The following KCNMA1 variants were observed in gnomAD, a reference collection of about 807,000 sequenced individuals.
KCNMA1 encodes Calcium-activated potassium channel subunit alpha-1.
A neutral mutation model predicts 140.0 loss-of-function variants in KCNMA1; 29 were observed. That is an observed-to-expected ratio of 0.21 (90% CI 0.15 to 0.28). The LOEUF (loss-of-function observed/expected upper bound fraction) is 0.28, where lower values mean the gene tolerates loss of function less well. Ranked by LOEUF, KCNMA1 falls within the 10% of genes least tolerant of loss-of-function variation. The pLI, the probability that KCNMA1 is intolerant of heterozygous loss-of-function variation, is 1.00. For synonymous variants in KCNMA1, 612 were observed against 611.9 expected, an observed-to-expected ratio of 1.00 and a Z score of 0.00; for missense variants, 880 against 1,602.2, an observed-to-expected ratio of 0.55 and a Z score of 7.70.
At chr10:77,291,847 C>T (rs1376045850) in intron 2 of KCNMA1, among the ~76,000 whole-genome samples, 1 of 152,062 alleles carries the variant, frequency 6.6e-6, no homozygotes, top group African/African-American at 2.4e-5. Context: ...CCTTACAGAC[C>T]AGTGGAGGCT....
At chr10:77,482,115 G>C (rs751458378) in intron 1 of KCNMA1, among the ~76,000 whole-genome samples, 1 of 152,230 alleles carries the variant, frequency 6.6e-6, no homozygotes, top group Admixed American at 6.5e-5. Flanking sequence ...TCATTATTCA[G>C]GCAGATTAAA....
rs922434681 is a variant in KCNMA1 at position 77,082,123 on chromosome 10, G to C, written c.1523+2514C>G. On this transcript the variant is annotated intron_variant, in intron 12 of 27. Coordinates refer to ENST00000286628, the MANE Select transcript of KCNMA1 (RefSeq NM_001161352.2). ...GGCTCACTGCAACCTCCGCCTCCTGGGTTCAAGCGATTCCCCTGCCTCAAC... is the reference window on the plus strand; with the variant it reads ...GGCTCACTGCAACCTCCGCCTCCTGCGTTCAAGCGATTCCCCTGCCTCAAC... Among the ~76,000 whole-genome samples the C allele has an allele frequency of 2.1e-5, 3 of 145,416 alleles. No individual in the cohort carries two copies. The Admixed American group carries it at 2.2e-4, about 10-fold the overall frequency.
intron 1 of KCNMA1, among the ~76,000 whole-genome samples, chr10:77,478,765 T>C (rs1017577615): frequency 2.0e-5 from 3 of 152,228 alleles, no homozygotes; most frequent in African/African-American, 7.2e-5. Context: ...AATGAGGTAA[T>C]GTACATAACC....
chr10:76,955,352 G>A lies in KCNMA1; in HGVS notation c.2361-1428C>T, dbSNP rs576371750. Among the ~76,000 whole-genome samples, 4 of 152,008 alleles carry A rather than the reference G, an allele frequency of 2.6e-5. No individual in the cohort carries two copies. In the South Asian group the frequency reaches 6.3e-4, roughly 24 times the overall value. On this transcript the variant is annotated intron_variant, in intron 20 of 27. Coordinates refer to ENST00000286628, the MANE Select transcript of KCNMA1 (RefSeq NM_001161352.2). The stretch of plus-strand genomic sequence containing the variant: ...TCTCTTCCATGGCCCAAAAACCTAG[G>A]ATTAAGCTTTTGAATAACTACCACG...
chr10:77,351,991 G>T (rs897815982), intron 2 of KCNMA1, among the ~76,000 whole-genome samples: 10 of 152,148 alleles, frequency 6.6e-5, no homozygotes, highest in African/African-American at 2.4e-4. Context: ...TATTTATGAG[G>T]GTTTGACCAG....
intron 1 of KCNMA1, among the ~76,000 whole-genome samples, chr10:77,602,571 C>T (rs1466381190): frequency 6.6e-6 from 1 of 152,120 alleles, no homozygotes; most frequent in Non-Finnish European, 1.5e-5. Context: ...CAATAAAGCT[C>T]GGTTTTTAAA....
At chr10:77,454,489 C>T (rs998364669) in intron 1 of KCNMA1, among the ~76,000 whole-genome samples, 1 of 152,174 alleles carries the variant, frequency 6.6e-6, no homozygotes, top group African/African-American at 2.4e-5. Flanking sequence ...TAATTCTCTG[C>T]CTATAATTTT....
chr10:77,155,854 G>A (rs2098477228), intron 5 of KCNMA1, among the ~76,000 whole-genome samples: 1 of 152,130 alleles, frequency 6.6e-6, no homozygotes, highest in Non-Finnish European at 1.5e-5. Flanking sequence ...TAAGAAGTGA[G>A]GGGAAAGGAT....
At chr10:77,531,523 C>T (rs1328334369) in intron 1 of KCNMA1, among the ~76,000 whole-genome samples, 2 of 152,282 alleles carry the variant, frequency 1.3e-5, no homozygotes, top group African/African-American at 2.4e-5. Flanking sequence ...AGAGGCTGTA[C>T]CACCGACCCT....
At chr10:77,053,836 C>T (rs371938556) in intron 14 of KCNMA1, among the ~76,000 whole-genome samples, 5 of 152,104 alleles carry the variant, frequency 3.3e-5, no homozygotes, top group East Asian at 1.9e-4. Flanking sequence ...CTTTCATATA[C>T]GGATAATCTT....
At chr10:77,512,293 T>A (rs2048688196) in intron 1 of KCNMA1, among the ~76,000 whole-genome samples, 1 of 152,156 alleles carries the variant, frequency 6.6e-6, no homozygotes, top group Non-Finnish European at 1.5e-5. Context: ...TCCCCCCTTA[T>A]CCATAGTTTC....
intron 3 of KCNMA1, among the ~76,000 whole-genome samples, chr10:77,212,467 G>A (rs886708418): frequency 1.3e-5 from 2 of 152,076 alleles, no homozygotes; most frequent in Non-Finnish European, 1.5e-5. Flanking sequence ...GGAAAGGACC[G>A]TGGGTTGAAA....
chr10:77,485,417 AC>A (rs1023304738), intron 1 of KCNMA1, among the ~76,000 whole-genome samples: 3 of 151,762 alleles, frequency 2.0e-5, no homozygotes, highest in African/African-American at 7.3e-5. Flanking sequence ...TTTGGCAACC[AC>A]CCCCTGCCCC....
At chr10:77,295,680 C>T (rs1267134669) in intron 2 of KCNMA1, among the ~76,000 whole-genome samples, 1 of 144,870 alleles carries the variant, frequency 6.9e-6, no homozygotes, top group African/African-American at 2.5e-5. Flanking sequence ...ACTCGGGAGG[C>T]TGAGGCAGGA....
At chr10:76,952,697 T>C (rs1430121408) in intron 21 of KCNMA1, among the ~76,000 whole-genome samples, 1 of 152,202 alleles carries the variant, frequency 6.6e-6, no homozygotes, top group Non-Finnish European at 1.5e-5. Context: ...TGGCTGTTAA[T>C]GCTCATTTAT....
chr10:77,145,745 A>G (rs886949748), intron 5 of KCNMA1, among the ~76,000 whole-genome samples: 12 of 152,332 alleles, frequency 7.9e-5, no homozygotes, highest in African/African-American at 2.6e-4. Context: ...AACCCTGTAC[A>G]AAGTAATAGT....
chr10:76,876,388 G>C (rs2151410675), downstream of KCNMA1: 1 of 152,728 alleles, frequency 6.5e-6, no homozygotes. Flanking sequence ...TTGCTAAGTT[G>C]ATTGGAACAA....
chr10:77,362,307 G>A (rs1275839880), intron 2 of KCNMA1, among the ~76,000 whole-genome samples: 3 of 150,878 alleles, frequency 2.0e-5, no homozygotes, highest in Non-Finnish European at 3.0e-5. Context: ...TCCTTAAGAA[G>A]AGGGCATCCC....
chr10:77,351,886 T>C (rs1209486479), intron 2 of KCNMA1, among the ~76,000 whole-genome samples: 1 of 152,238 alleles, frequency 6.6e-6, no homozygotes, highest in Non-Finnish European at 1.5e-5. Context: ...TGCATGCTTT[T>C]TGAAGCTAAA....
Sources: gnomAD v4.1 joint callset for allele counts (sites outside exome capture counted in the v4.1 genomes callset) on GRCh38, gnomAD v4.1.1 for gene constraint, MANE v1.5 for transcripts, NCBI Gene and HGNC (gene_info 2026-07-23, HGNC 2026-07-21) for gene names.